HMG20A: variants seen among roughly 807,000 people sequenced by gnomAD.
HMG20A encodes high mobility group 20A, also known as high mobility group protein 20A.
HMG20A carries 17 observed loss-of-function variants against 43.9 expected under a neutral mutation model. The ratio of observed to expected loss-of-function variants is 0.39; its 90% CI spans 0.27 to 0.58. HMG20A has a LOEUF of 0.58. Among genes scored for constraint, HMG20A ranks in the 20% least tolerant of loss-of-function variants. The probability of loss-of-function intolerance (pLI) is 0.59; values close to 1 mark genes in which losing one functional copy is unlikely to be tolerated. For synonymous variants in HMG20A, 132 were observed against 147.5 expected, an observed-to-expected ratio of 0.89 and a Z score of 0.76; for missense variants, 341 against 438.2, an observed-to-expected ratio of 0.78 and a Z score of 1.98.
At chr15:77,433,456 A>G (rs2073511249) in intron 1 of HMG20A, among the ~76,000 whole-genome samples, 1 of 152,196 alleles carries the variant, frequency 6.6e-6, no homozygotes. Flanking sequence ...AAACTCTTCA[A>G]TAGAATACAA....
the HMG20A span, among the ~76,000 whole-genome samples, chr15:77,508,724 CG>C: frequency 5.9e-5 from 9 of 152,168 alleles, no homozygotes; most frequent in Admixed American, 3.9e-4. Context: ...AAGCAGGGCA[CG>C]CCCCAAATGA....
At chr15:77,464,491 C>A in intron 3 of HMG20A, 104 bp downstream of exon 3, 1 of 1,194,202 alleles carries the variant, frequency 8.4e-7, no homozygotes, top group Non-Finnish European at 1.2e-6. Context: ...TTCTTATATT[C>A]TTAGGCTGAT....
chr15:77,512,636 A>G, the HMG20A span, among the ~76,000 whole-genome samples: 1 of 152,146 alleles, frequency 6.6e-6, no homozygotes, highest in Non-Finnish European at 1.5e-5. Context: ...GGATAATGGA[A>G]TTAGGAAATC....
rs868515076 is a variant in HMG20A at position 77,458,334 on chromosome 15, C to G, written c.-4-70C>G. 40 of 995,308 alleles carry G rather than the reference C, an allele frequency of 4.0e-5. No homozygotes were observed. The South Asian group carries it at 5.5e-4, about 14-fold the overall frequency. 61.7% of individuals were successfully genotyped at this position (995,308 alleles called of 1,614,324 possible). ...ATGATAAAGTTCAAGAAGGCTGGCTCTTAAATTAGTGGAACTTGAAATGGA... is the reference window on the plus strand; with the variant it reads ...ATGATAAAGTTCAAGAAGGCTGGCTGTTAAATTAGTGGAACTTGAAATGGA... On this transcript the variant is annotated intron_variant, in intron 1 of 9. Transcript: ENST00000336216.
At chr15:77,486,405 T>G (rs1250329544), downstream of HMG20A, among the ~76,000 whole-genome samples, 2 of 151,846 alleles carry the variant, frequency 1.3e-5, no homozygotes, top group East Asian at 3.9e-4. Context: ...GGATTACAGG[T>G]GCACGCCACC....
intron 1 of HMG20A, among the ~76,000 whole-genome samples, chr15:77,456,615 G>T (rs2072656817): frequency 6.8e-6 from 1 of 147,804 alleles, no homozygotes; most frequent in Admixed American, 6.8e-5. Context: ...GGGAGGCGTG[G>T]GCAACAGAGC....
intron 1 of HMG20A, among the ~76,000 whole-genome samples, chr15:77,448,398 T>C (rs924865546): frequency 6.6e-6 from 1 of 151,618 alleles, no homozygotes; most frequent in Non-Finnish European, 1.5e-5. Flanking sequence ...TTGTTTCCTC[T>C]GCTAGGGCCA....
intron 1 of HMG20A, among the ~76,000 whole-genome samples, chr15:77,436,452 TC>T (rs1447253581): frequency 6.6e-6 from 1 of 151,812 alleles, no homozygotes; most frequent in Non-Finnish European, 1.5e-5. Context: ...AGATCCATTT[TC>T]TTTTTTTTTT....
Position 77,477,576 on chromosome 15 carries a change from C to T in HMG20A, c.637C>T (p.Arg213Trp), listed in dbSNP as rs1021712137. ...DHEKETEVKE[R>W]SVFDIPIFTE... Reference sequence around the variant, plus strand: ...ACAGAAAGAAACAGAGGTAAAGGAACGGTCTGTTTTTGACATCCCTATATT... The same window carrying T: ...ACAGAAAGAAACAGAGGTAAAGGAATGGTCTGTTTTTGACATCCCTATATT... Residue 213 changes from arginine to tryptophan, a missense_variant, in exon 7 of 10, where the codon CGG (arginine) becomes TGG (tryptophan). This residue lies in a region of HMG20A where 220 missense variants were observed against 263.6 expected (regional missense o/e 0.83). Transcript: ENST00000336216. 5 of 1,611,080 alleles carry T rather than the reference C, an allele frequency of 3.1e-6. No homozygotes were observed. The highest frequency in any genetic ancestry group is 2.2e-5 in the East Asian group (1 of 44,812).
chr15:77,512,231 T>A, the HMG20A span, among the ~76,000 whole-genome samples: 4 of 151,902 alleles, frequency 2.6e-5, no homozygotes, highest in African/African-American at 9.7e-5. Flanking sequence ...GCACAGAAAG[T>A]AGAATGGTGG....
downstream of HMG20A, among the ~76,000 whole-genome samples, chr15:77,489,655 G>A (rs2072962863): frequency 6.6e-6 from 1 of 152,182 alleles, no homozygotes; most frequent in Admixed American, 6.5e-5. Flanking sequence ...AATGATATAA[G>A]CTAGGATAGA....
chr15:77,439,239 A>C (rs1003827425), intron 1 of HMG20A, among the ~76,000 whole-genome samples: 1 of 152,230 alleles, frequency 6.6e-6, no homozygotes, highest in African/African-American at 2.4e-5. Context: ...GGGACCTTCT[A>C]ATCTTGGAAT....
At position 77,464,387 on chromosome 15, in the gene HMG20A, G is replaced by A; in HGVS notation, c.237G>A (p.Glu79=). 1 of 1,613,140 alleles carries A rather than the reference G, an allele frequency of 6.2e-7. No individual in the cohort carries two copies. The highest frequency in any genetic ancestry group is 8.5e-7 in the Non-Finnish European group (1 of 1,179,366). ...AEGNEQRHED[E]QRSKRGGWSK... Reference sequence around the variant, plus strand: ...GCAATGAACAGAGGCATGAAGATGAGGTAAGCTGAAGTATCTCCTTCTGTT... The same window carrying A: ...GCAATGAACAGAGGCATGAAGATGAAGTAAGCTGAAGTATCTCCTTCTGTT... The change falls in exon 3 of 10, where the codon GAG becomes GAA. Residue 79 remains glutamate (E), a splice_region_variant and synonymous_variant. Coordinates refer to ENST00000336216, the MANE Select transcript of HMG20A (RefSeq NM_001304504.2).
intron 1 of HMG20A, among the ~76,000 whole-genome samples, chr15:77,421,954 C>A (rs1470491522): frequency 2.6e-5 from 4 of 152,194 alleles, no homozygotes; most frequent in Admixed American, 6.5e-5. Flanking sequence ...GGTCATGAGA[C>A]TCAGCTCAGA....
chr15:77,489,802 A>G (rs1222030240), downstream of HMG20A, among the ~76,000 whole-genome samples: 1 of 152,242 alleles, frequency 6.6e-6, no homozygotes, highest in East Asian at 1.9e-4. Context: ...AGGCATAGAA[A>G]AAGCTGGTGA....
At chr15:77,430,058 G>A (rs1447355280) in intron 1 of HMG20A, among the ~76,000 whole-genome samples, 1 of 152,152 alleles carries the variant, frequency 6.6e-6, no homozygotes, top group Non-Finnish European at 1.5e-5. Context: ...ATGTGGTCTT[G>A]AAAAGGAAAT....
intron 1 of HMG20A, among the ~76,000 whole-genome samples, chr15:77,431,608 G>A (rs1277258894): frequency 1.3e-5 from 2 of 151,954 alleles, no homozygotes; most frequent in Non-Finnish European, 2.9e-5. Flanking sequence ...TAGCTAAATT[G>A]CGCTAATTAA....
chr15:77,471,889 T>G, intron 6 of HMG20A, 75 bp downstream of exon 6: 1 of 810,624 alleles, frequency 1.2e-6, no homozygotes, highest in South Asian at 1.7e-5. Flanking sequence ...TATTGGATTT[T>G]TTTTTTTTTA....
chr15:77,454,191 T>G (rs2072633868), intron 1 of HMG20A, among the ~76,000 whole-genome samples: 1 of 150,586 alleles, frequency 6.6e-6, no homozygotes, highest in Non-Finnish European at 1.5e-5. Flanking sequence ...CAAAGTAGAT[T>G]AGTGGTTGCC....
Sources: allele counts gnomAD v4.1 joint callset (sites outside exome capture counted in the v4.1 genomes callset), GRCh38; gene constraint gnomAD v4.1.1; regional missense constraint gnomAD v4.1.1; transcripts MANE v1.5; gene names NCBI Gene and HGNC (gene_info 2026-07-23, HGNC 2026-07-21).